ZBTB7C: variants seen among roughly 807,000 people sequenced by gnomAD.
ZBTB7C encodes the protein zinc finger and BTB domain-containing protein 7C.
A neutral mutation model predicts 25.7 loss-of-function variants in ZBTB7C; 8 were observed. That is an observed-to-expected ratio of 0.31 (90% CI 0.18 to 0.56). ZBTB7C has a LOEUF of 0.56. Ranked by LOEUF, ZBTB7C falls within the 20% of genes least tolerant of loss-of-function variation. ZBTB7C has a pLI of 0.91. For missense variants in ZBTB7C, 824 were observed against 855.2 expected (o/e 0.96, Z 0.46); for synonymous variants, 394 against 369.0 (o/e 1.07, Z -0.78).
intron 1 of ZBTB7C, among the ~76,000 whole-genome samples, chr18:48,396,212 T>C (rs2048026418): frequency 6.6e-6 from 1 of 152,188 alleles, no homozygotes; most frequent in Non-Finnish European, 1.5e-5. Flanking sequence ...ATAACTAGGA[T>C]GTTGCCCTCT....
At chr18:48,131,713 T>G (rs1341544477) in intron 3 of ZBTB7C, among the ~76,000 whole-genome samples, 2 of 152,196 alleles carry the variant, frequency 1.3e-5, no homozygotes, top group African/African-American at 2.4e-5. Context: ...CTCTGGGACA[T>G]GCAAAGGAAA....
At chr18:48,100,090 C>G (rs1302333070) in intron 3 of ZBTB7C, among the ~76,000 whole-genome samples, 1 of 152,216 alleles carries the variant, frequency 6.6e-6, no homozygotes, top group Non-Finnish European at 1.5e-5. Flanking sequence ...AACGCCCCCT[C>G]TCCTGGACAT....
intron 1 of ZBTB7C, among the ~76,000 whole-genome samples, chr18:48,359,314 T>C (rs1222396728): frequency 2.6e-5 from 4 of 151,814 alleles, no homozygotes; most frequent in African/African-American, 7.3e-5. Context: ...AGGAAAGCTT[T>C]CAGAGCAGGT....
chr18:48,360,392 T>A (rs1231338974), intron 1 of ZBTB7C, among the ~76,000 whole-genome samples: 1 of 152,086 alleles, frequency 6.6e-6, no homozygotes, highest in Non-Finnish European at 1.5e-5. Flanking sequence ...GTGGTAGGCA[T>A]GGGGGATTTT....
chr18:48,410,303 A>G (rs1236676390), upstream of ZBTB7C, among the ~76,000 whole-genome samples: 4 of 151,940 alleles, frequency 2.6e-5, no homozygotes, highest in Admixed American at 6.5e-5. Context: ...ACCCCTCTGG[A>G]GCCTTGGGCC....
chr18:48,034,013 G>T (rs942899063), intron 4 of ZBTB7C, among the ~76,000 whole-genome samples: 3 of 152,134 alleles, frequency 2.0e-5, no homozygotes, highest in African/African-American at 7.2e-5. Flanking sequence ...GAGTCTGTTT[G>T]GCTGGCTGGC....
At chr18:48,152,354 G>A (rs767363881) in intron 3 of ZBTB7C, among the ~76,000 whole-genome samples, 3 of 152,088 alleles carry the variant, frequency 2.0e-5, no homozygotes, top group Admixed American at 1.3e-4. Context: ...GTGAAAGGCA[G>A]GTTGTTGACT....
intron 3 of ZBTB7C, among the ~76,000 whole-genome samples, chr18:48,064,186 C>T (rs535469756): frequency 6.6e-6 from 1 of 152,342 alleles, no homozygotes; most frequent in East Asian, 1.9e-4. Context: ...TATATCTCTT[C>T]CACCAGCAGA....
At chr18:48,218,680 C>T (rs926538160) in intron 2 of ZBTB7C, among the ~76,000 whole-genome samples, 2 of 152,196 alleles carry the variant, frequency 1.3e-5, no homozygotes, top group African/African-American at 4.8e-5. Context: ...GCATCCTGGA[C>T]TCTGCTCTCC....
At chr18:48,047,337 CCA>C (rs61078960) in intron 3 of ZBTB7C, among the ~76,000 whole-genome samples, 2,379 of 150,196 alleles carry the variant, frequency 0.016, 64 homozygotes, top group African/African-American at 0.054. Flanking sequence ...GAAAAAAATT[CCA>C]CACACACACA....
intron 3 of ZBTB7C, among the ~76,000 whole-genome samples, chr18:48,182,709 G>A (rs2041959302): frequency 6.6e-6 from 1 of 152,114 alleles, no homozygotes; most frequent in Admixed American, 6.5e-5. Context: ...TTATAGTCAA[G>A]TCACTGAATA....
chr18:48,114,837 A>G (rs1056167688), intron 3 of ZBTB7C, among the ~76,000 whole-genome samples: 4 of 152,208 alleles, frequency 2.6e-5, no homozygotes, highest in African/African-American at 9.6e-5. Context: ...GAGTGAACCC[A>G]GTTTGACTTC....
At chr18:48,300,320 C>T (rs758259198) in intron 2 of ZBTB7C, among the ~76,000 whole-genome samples, 8 of 152,162 alleles carry the variant, frequency 5.3e-5, no homozygotes, top group South Asian at 4.1e-4. Context: ...AATCATCTCC[C>T]CCAGGCAGAT....
chr18:48,309,653 C>G (rs2045764890), intron 2 of ZBTB7C, among the ~76,000 whole-genome samples: 1 of 152,218 alleles, frequency 6.6e-6, no homozygotes, highest in South Asian at 2.1e-4. Flanking sequence ...ATAAAAGAGA[C>G]CACATCTTAT....
chr18:48,260,792 G>A (rs901300746), intron 2 of ZBTB7C, among the ~76,000 whole-genome samples: 4 of 152,216 alleles, frequency 2.6e-5, no homozygotes, highest in African/African-American at 9.7e-5. Flanking sequence ...CCATTTTGAC[G>A]TCCTTGCTCC....
At chr18:48,393,024 A>G (rs890736556) in intron 1 of ZBTB7C, among the ~76,000 whole-genome samples, 4 of 152,246 alleles carry the variant, frequency 2.6e-5, no homozygotes, top group African/African-American at 9.6e-5. Context: ...AATTCGCTTC[A>G]GCACTGTCTA....
At chr18:48,194,697 G>C (rs2042276701) in intron 2 of ZBTB7C, among the ~76,000 whole-genome samples, 1 of 152,138 alleles carries the variant, frequency 6.6e-6, no homozygotes, top group Non-Finnish European at 1.5e-5. Flanking sequence ...GGTCTGGCTG[G>C]AGCAGATGAC....
chr18:48,388,941 A>G (rs2047814354), intron 1 of ZBTB7C, among the ~76,000 whole-genome samples: 1 of 152,148 alleles, frequency 6.6e-6, no homozygotes, highest in East Asian at 1.9e-4. Flanking sequence ...TAAGAGTTCA[A>G]AGACTACACT....
intron 2 of ZBTB7C, among the ~76,000 whole-genome samples, chr18:48,245,074 A>T: frequency 9.2e-6 from 1 of 108,660 alleles, no homozygotes; most frequent in East Asian, 2.8e-4. Flanking sequence ...AGTGGAAAAA[A>T]AAGTAGTGTG....
Sources: allele counts gnomAD v4.1 joint callset (sites outside exome capture counted in the v4.1 genomes callset), GRCh38; gene constraint gnomAD v4.1.1; transcripts MANE v1.5; gene names NCBI Gene and HGNC (gene_info 2026-07-23, HGNC 2026-07-21).